CCDC178: variants seen among roughly 807,000 people sequenced by gnomAD.
The protein encoded by CCDC178 is coiled-coil domain-containing protein 178.
Under a neutral mutation model 117.4 loss-of-function variants are expected in CCDC178, and 126 were observed. That is an observed-to-expected ratio of 1.07 (90% CI 0.93 to 1.24). The LOEUF (loss-of-function observed/expected upper bound fraction) is 1.24. CCDC178 is among the 50% of genes most tolerant of loss of function. CCDC178 has a pLI of 0.00. For missense variants in CCDC178, 1,030 were observed against 986.9 expected (o/e 1.04, Z -0.59); for synonymous variants, 283 against 313.4 (o/e 0.90, Z 1.02).
chr18:33,285,623 C>A (rs1454754990), intron 12 of CCDC178, among the ~76,000 whole-genome samples: 3 of 151,990 alleles, frequency 2.0e-5, no homozygotes, highest in Non-Finnish European at 4.4e-5. Context: ...GAACAATAAA[C>A]CATAACCAAG....
chr18:33,102,972 G>T (rs1451859432), intron 20 of CCDC178, among the ~76,000 whole-genome samples: 1 of 151,760 alleles, frequency 6.6e-6, no homozygotes, highest in Non-Finnish European at 1.5e-5. Context: ...GGACCATAAA[G>T]CCTGAAATAT....
intron 22 of CCDC178, among the ~76,000 whole-genome samples, chr18:32,967,301 G>A (rs1265162466): frequency 6.6e-6 from 1 of 150,930 alleles, no homozygotes; most frequent in Non-Finnish European, 1.5e-5. Context: ...TGTGATTGTG[G>A]ATTTGTCTAG....
intron 18 of CCDC178, 38 bp downstream of exon 18, chr18:33,223,068 T>G (rs1014377818): frequency 2.7e-6 from 4 of 1,462,630 alleles, no homozygotes; most frequent in Non-Finnish European, 3.8e-6. Flanking sequence ...ATACATAAAC[T>G]GTAAATTCAA....
intron 14 of CCDC178, among the ~76,000 whole-genome samples, chr18:33,248,717 C>T (rs558031623): frequency 5.9e-5 from 9 of 152,098 alleles, no homozygotes; most frequent in African/African-American, 2.2e-4. Context: ...AATAGTGCCG[C>T]AATAAACATA....
Position 32,997,202 on chromosome 18 carries a change from T to C in CCDC178, c.2389-22521A>G, listed in dbSNP as rs115002517. Among the ~76,000 whole-genome samples the C allele has an allele frequency of 2.1e-3, 313 of 152,282 alleles. 1 individual carries two copies. The highest frequency in any genetic ancestry group is 6.9e-3 in the African/African-American group (285 of 41,558). On this transcript the variant is annotated intron_variant, in intron 21 of 22. Coordinates refer to ENST00000383096, the MANE Select transcript of CCDC178 (RefSeq NM_001105528.4). Reference sequence around the variant, plus strand: ...GATGGGGCAGTGAAGACAGGTATGATAGTTAATTTTGTATGTCAACTTGGC... The same window carrying C: ...GATGGGGCAGTGAAGACAGGTATGACAGTTAATTTTGTATGTCAACTTGGC...
chr18:33,202,220 C>A (rs1200674429), intron 20 of CCDC178, among the ~76,000 whole-genome samples: 1 of 151,470 alleles, frequency 6.6e-6, no homozygotes, highest in African/African-American at 2.4e-5. Context: ...GGTGAAACCC[C>A]GTCTCTACTA....
At chr18:33,246,732 G>C (rs1448808976) in intron 14 of CCDC178, among the ~76,000 whole-genome samples, 6 of 151,804 alleles carry the variant, frequency 4.0e-5, no homozygotes. Flanking sequence ...ACAGGGCTTT[G>C]CATGAGCTGT....
chr18:33,072,614 T>C (rs1456388489), intron 21 of CCDC178, among the ~76,000 whole-genome samples: 1 of 152,162 alleles, frequency 6.6e-6, no homozygotes, highest in Non-Finnish European at 1.5e-5. Flanking sequence ...AAGAATAAAA[T>C]GTCTTCATTA....
chr18:33,067,265 T>G (rs1322213549), intron 21 of CCDC178, among the ~76,000 whole-genome samples: 1 of 152,040 alleles, frequency 6.6e-6, no homozygotes, highest in East Asian at 1.9e-4. Context: ...ATTAGCTCAA[T>G]AAATAAATTA....
rs755228581 is a variant in CCDC178, at chr18:33,397,221, A to ACAT, written c.59-14_59-13insATG. On this transcript the variant is annotated splice_polypyrimidine_tract_variant and intron_variant, in intron 3 of 22. Coordinates refer to ENST00000383096, the MANE Select transcript of CCDC178 (RefSeq NM_001105528.4). ...TGACATGTTAAACCTATAAAAGGTA[A>ACAT]AATAAAACAAAATAAAATATCTGCT... 2.6e-6 allele frequency: 4 copies of ACAT among 1,522,462 alleles called. No homozygotes were observed. The African/African-American group carries it at 5.5e-5, about 21-fold the overall frequency. The allele number at this position is 1,522,462 out of a possible 1,614,324, so 94.3% of individuals were successfully genotyped here.
chr18:33,102,571 C>T (rs766094221), intron 20 of CCDC178, among the ~76,000 whole-genome samples: 14 of 151,536 alleles, frequency 9.2e-5, no homozygotes, highest in Non-Finnish European at 1.9e-4. Flanking sequence ...GGTTGAATTA[C>T]TGGTAATGTC....
intron 20 of CCDC178, 33 bp from the exon 21 acceptor site, chr18:33,092,943 G>A (rs1567983969): frequency 1.3e-5 from 17 of 1,261,156 alleles, no homozygotes; most frequent in Admixed American, 2.6e-5. Flanking sequence ...TGAATTGTGT[G>A]TATATATATA....
At chr18:33,440,367 A>C (rs1249686273) in intron 1 of CCDC178, 2 of 129,308 alleles carry the variant, frequency 1.5e-5, no homozygotes, top group African/African-American at 2.9e-5. Context: ...GGACTGGGAA[A>C]CTGGAGGACG....
At chr18:33,224,637 T>C (rs2059279068) in intron 17 of CCDC178, 138 bp downstream of exon 17, 2 of 483,768 alleles carry the variant, frequency 4.1e-6, no homozygotes. Context: ...GCAGATCAAG[T>C]TGCGTGGTCC....
chr18:33,379,435 C>T (rs1475704567), intron 5 of CCDC178, among the ~76,000 whole-genome samples: 1 of 151,756 alleles, frequency 6.6e-6, no homozygotes, highest in African/African-American at 2.4e-5. Context: ...TTCTTGTTTA[C>T]TGGGAGAAGC....
chr18:33,216,102 A>T lies in CCDC178; in HGVS notation c.1933-407T>A, dbSNP rs1388291556. ...GACAGAGTGAGACCCTGTCTCTAAA[A>T]AAACAACTGAGGTTTATATTCTCCA... On this transcript the variant is annotated intron_variant, in intron 18 of 22. Transcript: ENST00000383096. Among the ~76,000 whole-genome samples, 3 of 151,984 alleles carry T rather than the reference A, an allele frequency of 2.0e-5. No homozygotes were observed. The South Asian group carries it at 6.2e-4, about 31-fold the overall frequency.
chr18:32,971,237 T>C (rs2054919252), intron 22 of CCDC178, among the ~76,000 whole-genome samples: 1 of 151,780 alleles, frequency 6.6e-6, no homozygotes, highest in Non-Finnish European at 1.5e-5. Flanking sequence ...TGTGTTCTCA[T>C]TGTTCAACTC....
chr18:33,154,676 C>T (rs958253187), intron 20 of CCDC178, among the ~76,000 whole-genome samples: 1 of 151,852 alleles, frequency 6.6e-6, no homozygotes, highest in Non-Finnish European at 1.5e-5. Context: ...TATAAAGATA[C>T]AGAGAGATAA....
chr18:33,255,895 A>G (rs2059673397), intron 14 of CCDC178, among the ~76,000 whole-genome samples: 1 of 151,618 alleles, frequency 6.6e-6, no homozygotes, highest in South Asian at 2.1e-4. Flanking sequence ...GAATCAAGAG[A>G]ATGGCATCCT....
Sources: allele counts gnomAD v4.1 joint callset (sites outside exome capture counted in the v4.1 genomes callset), GRCh38; gene constraint gnomAD v4.1.1; transcripts MANE v1.5; gene names NCBI Gene and HGNC (gene_info 2026-07-23, HGNC 2026-07-21).